SVIL: variants seen among roughly 807,000 people sequenced by gnomAD.
The protein encoded by SVIL is supervillin.
In SVIL, 101 loss-of-function variants were observed where a neutral mutation model predicts 240.4. The observed-to-expected ratio is 0.42, with a 90% CI of 0.36 to 0.50. The LOEUF is 0.50. SVIL is among the 20% of genes least tolerant of loss of function. SVIL has a pLI of 0.01. For synonymous variants in SVIL, 999 were observed against 1,100.0 expected (o/e 0.91, Z 1.82); for missense variants, 2,512 against 2,818.7 (o/e 0.89, Z 2.46).
chr10:29,682,557 C>A (rs919611426), intron 2 of SVIL, among the ~76,000 whole-genome samples: 1 of 152,050 alleles, frequency 6.6e-6, no homozygotes, highest in African/African-American at 2.4e-5. Flanking sequence ...TAAAAGGAAC[C>A]AAACCATAAT....
At chr10:29,679,954 A>G (rs1390943895) in intron 2 of SVIL, among the ~76,000 whole-genome samples, 1 of 151,884 alleles carries the variant, frequency 6.6e-6, no homozygotes, top group African/African-American at 2.4e-5. Context: ...AGGCTGAGGC[A>G]GGAGGATTGC....
intron 6 of SVIL, among the ~76,000 whole-genome samples, chr10:29,540,043 C>T (rs1404862123): frequency 6.6e-6 from 1 of 152,194 alleles, no homozygotes; most frequent in African/African-American, 2.4e-5. Context: ...ACGTGCGTTA[C>T]CAAGATGACC....
chr10:29,620,714 G>A (rs938126268), intron 1 of SVIL, among the ~76,000 whole-genome samples: 16 of 152,142 alleles, frequency 1.1e-4, no homozygotes, highest in Admixed American at 2.0e-4. Flanking sequence ...CACCTCCCGG[G>A]TTCAAATGAT....
At chr10:29,611,289 A>G (rs530925648) in intron 1 of SVIL, among the ~76,000 whole-genome samples, 251 of 152,098 alleles carry the variant, frequency 1.7e-3, no homozygotes, top group African/African-American at 5.8e-3. Context: ...CACACTTTCA[A>G]AAAAAGCACT....
intron 2 of SVIL, among the ~76,000 whole-genome samples, chr10:29,565,385 T>G (rs1361241376): frequency 6.6e-6 from 1 of 152,204 alleles, no homozygotes; most frequent in Non-Finnish European, 1.5e-5. Context: ...AAGTGCAGCC[T>G]TTTGATGGCA....
chr10:29,584,662 T>A (rs1956088932), intron 1 of SVIL, among the ~76,000 whole-genome samples: 1 of 152,288 alleles, frequency 6.6e-6, no homozygotes, highest in Admixed American at 6.5e-5. Context: ...TCGGCCTCTT[T>A]AACCTGCGGC....
chr10:29,572,554 C>T (rs1955474938), intron 1 of SVIL, among the ~76,000 whole-genome samples: 1 of 151,828 alleles, frequency 6.6e-6, no homozygotes. Context: ...CACTTGAGGC[C>T]AGGAGTTCAA....
chr10:29,627,735 A>G (rs1957929136), intron 1 of SVIL, among the ~76,000 whole-genome samples: 1 of 152,202 alleles, frequency 6.6e-6, no homozygotes, highest in South Asian at 2.1e-4. Context: ...TCCATCTCAA[A>G]TGGGAGAATC....
chr10:29,662,219 C>T (rs565785506), intron 2 of SVIL, among the ~76,000 whole-genome samples: 1 of 152,336 alleles, frequency 6.6e-6, no homozygotes, highest in South Asian at 2.1e-4. Flanking sequence ...TCCCCGGTCT[C>T]ATACAAATCT....
intron 6 of SVIL, among the ~76,000 whole-genome samples, chr10:29,539,277 A>C (rs1449948612): frequency 6.6e-6 from 1 of 152,214 alleles, no homozygotes. Flanking sequence ...TTCCTTCTTC[A>C]CAGTCAACAC....
At chr10:29,584,490 G>A (rs1320806633) in intron 1 of SVIL, among the ~76,000 whole-genome samples, 1 of 152,174 alleles carries the variant, frequency 6.6e-6, no homozygotes, top group African/African-American at 2.4e-5. Flanking sequence ...GGTGGAGATT[G>A]TCGGGGAGGT....
intron 3 of SVIL, among the ~76,000 whole-genome samples, chr10:29,561,103 G>A (rs1247113241): frequency 6.6e-6 from 1 of 151,966 alleles, no homozygotes; most frequent in Non-Finnish European, 1.5e-5. Context: ...TTACAGATGC[G>A]AGCCACCATG....
At chr10:29,670,808 T>C (rs975799534) in intron 2 of SVIL, among the ~76,000 whole-genome samples, 14 of 152,210 alleles carry the variant, frequency 9.2e-5, no homozygotes, top group African/African-American at 3.1e-4. Context: ...TAAGATTTTG[T>C]ACATGTCCCA....
intron 3 of SVIL, among the ~76,000 whole-genome samples, chr10:29,650,509 A>G (rs1035481418): frequency 1.3e-5 from 2 of 152,168 alleles, no homozygotes; most frequent in Non-Finnish European, 2.9e-5. Context: ...TAATAAATGC[A>G]TATATAATAT....
At chr10:29,553,659 G>A (rs1056348030) in intron 5 of SVIL, among the ~76,000 whole-genome samples, 14 of 152,170 alleles carry the variant, frequency 9.2e-5, no homozygotes, top group South Asian at 2.1e-4. Context: ...GTGGTGGGAA[G>A]AGCAGCCCTG....
chr10:29,679,182 G>A (rs1247170691), intron 2 of SVIL, among the ~76,000 whole-genome samples: 1 of 152,170 alleles, frequency 6.6e-6, no homozygotes, highest in African/African-American at 2.4e-5. Context: ...TCCAGCCTGG[G>A]CAACAGAGAG....
chr10:29,545,093 G>A (rs1365796715), intron 6 of SVIL: 1 of 534,222 alleles, frequency 1.9e-6, no homozygotes, highest in African/African-American at 1.9e-5. Flanking sequence ...CAAGCACGAT[G>A]CTCTCCTGCA....
At chr10:29,549,626 T>C (rs1243958338) in intron 6 of SVIL, among the ~76,000 whole-genome samples, 1 of 146,076 alleles carries the variant, frequency 6.8e-6, no homozygotes, top group Admixed American at 6.9e-5. Flanking sequence ...CCAACCCAAA[T>C]GTCCAACAAT....
In SVIL at chr10:29,484,219, C is replaced by T. The variant is rs552468729; in HGVS notation, c.4955+437G>A. Among the ~76,000 whole-genome samples the T allele has an allele frequency of 1.3e-5, 2 of 152,272 alleles. No homozygotes were observed. The highest frequency in any genetic ancestry group is 3.9e-4 in the East Asian group (2 of 5,190). On this transcript the variant is annotated intron_variant, in intron 27 of 37. Transcript: ENST00000355867. This position sits in a 1 kb window ranked among gnomAD's most constrained non-coding sequence, Gnocchi z 4.7. ...AAACATCATCTGCTGCCAAATAAAT[C>T]CTGAAATTCGAGGGCGATGCTGGGA...
Sources: allele counts gnomAD v4.1 joint callset (sites outside exome capture counted in the v4.1 genomes callset), GRCh38; gene constraint gnomAD v4.1.1; non-coding constraint Gnocchi (gnomAD v3.1); transcripts MANE v1.5; gene names NCBI Gene and HGNC (gene_info 2026-07-23, HGNC 2026-07-21).